Variants in KIRREL3 observed in about 807,000 individuals in gnomAD.
KIRREL3 encodes kirre like nephrin family adhesion molecule 3.
KIRREL3 carries 36 observed loss-of-function variants against 89.7 expected under a neutral mutation model. The ratio of observed to expected loss-of-function variants is 0.40; its 90% CI spans 0.31 to 0.53. The LOEUF (loss-of-function observed/expected upper bound fraction) is 0.53. Among genes scored for constraint, KIRREL3 ranks in the 20% least tolerant of loss-of-function variants. KIRREL3 has a pLI of 0.49. For synonymous variants in KIRREL3, 445 were observed against 441.4 expected, an observed-to-expected ratio of 1.01 and a Z score of -0.10; for missense variants, 864 against 1,056.6, an observed-to-expected ratio of 0.82 and a Z score of 2.53.
rs376450661 is a variant in KIRREL3 at position 126,707,523 on chromosome 11, T to A, written c.56-144611A>T. Among the ~76,000 whole-genome samples, 5 of 152,308 alleles carry A rather than the reference T, an allele frequency of 3.3e-5. 1 individual carries two copies. The highest frequency in any genetic ancestry group is 1.2e-4 in the African/African-American group (5 of 41,578). ...AGGTATATATTTGGGCCTATGTCTA[T>A]ACTCTATGTCAGTCCATTGTTCTCT... On this transcript the variant is annotated intron_variant, in intron 1 of 16. Transcript: ENST00000525144.
At chr11:126,714,773 G>A (rs369691525) in intron 1 of KIRREL3, among the ~76,000 whole-genome samples, 17 of 151,954 alleles carry the variant, frequency 1.1e-4, no homozygotes, top group Non-Finnish European at 2.4e-4. Flanking sequence ...TCCTGGGATC[G>A]CCCCCTGAAA....
intron 1 of KIRREL3, among the ~76,000 whole-genome samples, chr11:126,824,595 A>T (rs562066908): frequency 1.9e-4 from 29 of 152,362 alleles, no homozygotes; most frequent in African/African-American, 7.0e-4. Context: ...GGACGATGTT[A>T]GGAAAAGAGG....
In KIRREL3 at chr11:126,876,978, C is replaced by A. The variant is rs1945314879; in HGVS notation, c.55+123477G>T. ...ATAAAAAAAGAGTTATATTACTGGG[C>A]ACCCAGGAAAAGGAACAACAGATAA... On this transcript the variant is annotated intron_variant, in intron 1 of 16. Transcript: ENST00000525144. The surrounding 1 kb of genome is among the most constrained non-coding windows in gnomAD (Gnocchi z 4.1). Among the ~76,000 whole-genome samples the A allele has an allele frequency of 6.6e-6, 1 of 152,134 alleles. No individual in the cohort carries two copies. Among genetic ancestry groups the A allele is most frequent in the South Asian group, 2.1e-4 (1 of 4,828 alleles).
At position 126,771,152 on chromosome 11, in the gene KIRREL3, T is replaced by C. The variant is rs1336567831; in HGVS notation, c.56-208240A>G. Among the ~76,000 whole-genome samples, 1 of 152,190 alleles carries C rather than the reference T, an allele frequency of 6.6e-6. No homozygotes were observed. Among genetic ancestry groups the C allele is most frequent in the African/African-American group, 2.4e-5 (1 of 41,440 alleles). On this transcript the variant is annotated intron_variant, in intron 1 of 16. Coordinates refer to ENST00000525144, the MANE Select transcript of KIRREL3 (RefSeq NM_032531.4). The surrounding 1 kb of genome is among the most constrained non-coding windows in gnomAD (Gnocchi z 4.4). Reference sequence around the variant, plus strand: ...TCCTCTGGCCAGAACGATCATTTATTAAAGAGTGTTGTATACCAAGTCTTG... The same window carrying C: ...TCCTCTGGCCAGAACGATCATTTATCAAAGAGTGTTGTATACCAAGTCTTG...
intron 1 of KIRREL3, among the ~76,000 whole-genome samples, chr11:126,584,473 A>G (rs1388716960): frequency 6.6e-6 from 1 of 152,182 alleles, no homozygotes; most frequent in African/African-American, 2.4e-5. Flanking sequence ...CAAAGCCCCC[A>G]GTAGTCTGAA....
intron 1 of KIRREL3, among the ~76,000 whole-genome samples, chr11:126,613,183 C>A (rs892962614): frequency 2.0e-5 from 3 of 152,176 alleles, no homozygotes; most frequent in Non-Finnish European, 4.4e-5. Flanking sequence ...ACCATGGAAT[C>A]TCCAGATAAA....
In KIRREL3 at chr11:126,977,530, T is replaced by C. The variant is rs1027573950; in HGVS notation, c.55+22925A>G. 2.6e-5 allele frequency among the ~76,000 whole-genome samples: 4 copies of C among 152,254 alleles called. No individual in the cohort carries two copies. The highest frequency in any genetic ancestry group is 9.6e-5 in the African/African-American group (4 of 41,458). On this transcript the variant is annotated intron_variant, in intron 1 of 16. Coordinates refer to ENST00000525144, the MANE Select transcript of KIRREL3 (RefSeq NM_032531.4). This position sits in a 1 kb window ranked among gnomAD's most constrained non-coding sequence, Gnocchi z 4.7. ...CCACTTTCTTTCGAGATTCCCATTA[T>C]ATTAATTCAATCATTCCTGTATTCT... is the stretch of plus-strand genomic sequence containing the variant.
At chr11:126,745,656 TTCAGGTAGTA>T (rs1484129298) in intron 1 of KIRREL3, among the ~76,000 whole-genome samples, 1 of 152,204 alleles carries the variant, frequency 6.6e-6, no homozygotes, top group Non-Finnish European at 1.5e-5. Flanking sequence ...AAAAAAGGTA[TTCAGGTAGTA>T]TCAGGTGGTC....
rs1947623289 is a variant in KIRREL3 at position 126,924,658 on chromosome 11, G to A, written c.55+75797C>T. 6.6e-6 allele frequency among the ~76,000 whole-genome samples: 1 copy of A among 152,128 alleles called. No individual in the cohort carries two copies. Among genetic ancestry groups the A allele is most frequent in the Non-Finnish European group, 1.5e-5 (1 of 68,024 alleles). ...ATTTGGAAGAAGTGTTAAAGAAAAA[G>A]GAGCAGCTTTGCTCTATTAAAACCC... is the stretch of plus-strand genomic sequence containing the variant. On this transcript the variant is annotated intron_variant, in intron 1 of 16. Coordinates refer to ENST00000525144, the MANE Select transcript of KIRREL3 (RefSeq NM_032531.4). This position sits in a 1 kb window ranked among gnomAD's most constrained non-coding sequence, Gnocchi z 4.7.
chr11:126,936,820 C>G (rs1948210234), intron 1 of KIRREL3: 1 of 152,156 alleles, frequency 6.6e-6, no homozygotes, highest in African/African-American at 2.4e-5. Flanking sequence ...TGTTCTAAAA[C>G]TAGATTGTAG....
chr11:126,932,868 A>G (rs1449083563), intron 1 of KIRREL3, among the ~76,000 whole-genome samples: 1 of 152,262 alleles, frequency 6.6e-6, no homozygotes, highest in Non-Finnish European at 1.5e-5. Context: ...TTTATTAATA[A>G]TCAACATAAA....
rs754762157 is a variant in KIRREL3 at position 126,976,579 on chromosome 11, C to T, written c.55+23876G>A. On this transcript the variant is annotated intron_variant, in intron 1 of 16. Transcript: ENST00000525144. The surrounding 1 kb of genome is among the most constrained non-coding windows in gnomAD (Gnocchi z 4.2). ...ATGGTACCAGGATCATATTTTCAAACGGTTTCAGTGTTCTGGGAAGTTAAT... is the reference window on the plus strand; with the variant it reads ...ATGGTACCAGGATCATATTTTCAAATGGTTTCAGTGTTCTGGGAAGTTAAT... Among the ~76,000 whole-genome samples the T allele has an allele frequency of 1.4e-4, 21 of 152,054 alleles. No homozygotes were observed. The highest frequency in any genetic ancestry group is 1.9e-4 in the East Asian group (1 of 5,192).
At chr11:126,869,898 G>T (rs916615237) in intron 1 of KIRREL3, among the ~76,000 whole-genome samples, 1 of 152,214 alleles carries the variant, frequency 6.6e-6, no homozygotes, top group East Asian at 1.9e-4. Flanking sequence ...CCAAAGTGAT[G>T]AAATTCAGTT....
At chr11:126,461,222 G>C (rs1427923174) in intron 6 of KIRREL3, among the ~76,000 whole-genome samples, 1 of 152,244 alleles carries the variant, frequency 6.6e-6, no homozygotes, top group Non-Finnish European at 1.5e-5. Flanking sequence ...ATGGCTTTGC[G>C]GCATCTCACC....
At position 126,523,752 on chromosome 11, in the gene KIRREL3, C is replaced by T. The variant is rs934865046; in HGVS notation, c.284-2288G>A. ...TTCCTTGTAGCTGGCTGGCTACCCCCAGCCCCTCCAGCCCAGCCTCTGGAT... is the reference window on the plus strand; with the variant it reads ...TTCCTTGTAGCTGGCTGGCTACCCCTAGCCCCTCCAGCCCAGCCTCTGGAT... On this transcript the variant is annotated intron_variant, in intron 3 of 16. Transcript: ENST00000525144. This position sits in a 1 kb window ranked among gnomAD's most constrained non-coding sequence, Gnocchi z 4.9. Among the ~76,000 whole-genome samples the T allele has an allele frequency of 6.6e-6, 1 of 152,182 alleles. No individual in the cohort carries two copies. Among genetic ancestry groups the T allele is most frequent in the Non-Finnish European group, 1.5e-5 (1 of 68,028 alleles).
chr11:126,856,285 T>A (rs1435281023), intron 1 of KIRREL3, among the ~76,000 whole-genome samples: 4 of 152,054 alleles, frequency 2.6e-5, no homozygotes, highest in Non-Finnish European at 5.9e-5. Flanking sequence ...TCTGTCTACC[T>A]CTCAGCTTTG....
Position 126,900,580 on chromosome 11 carries a change from C to T in KIRREL3, c.55+99875G>A, listed in dbSNP as rs929291189. ...AAAAAAAATAGATTTAAGATAATGG[C>T]CCTATTCTCCTCAGAATAAATTAAG... On this transcript the variant is annotated intron_variant, in intron 1 of 16. Coordinates refer to ENST00000525144, the MANE Select transcript of KIRREL3 (RefSeq NM_032531.4). This position sits in a 1 kb window ranked among gnomAD's most constrained non-coding sequence, Gnocchi z 4.4. 6.6e-6 allele frequency among the ~76,000 whole-genome samples: 1 copy of T among 152,146 alleles called. No homozygotes were observed. The highest frequency in any genetic ancestry group is 2.4e-5 in the African/African-American group (1 of 41,426).
At position 126,921,677 on chromosome 11, in the gene KIRREL3, A is replaced by AATCT. The variant is rs1163747846; in HGVS notation, c.55+78774_55+78777dup. On this transcript the variant is annotated intron_variant, in intron 1 of 16. Coordinates refer to ENST00000525144, the MANE Select transcript of KIRREL3 (RefSeq NM_032531.4). ...TCCTATCTATCTATTATCTATCTGT[A>AATCT]ATCTATCTATCTGTCTGTCTTTCTT... Among the ~76,000 whole-genome samples the AATCT allele has an allele frequency of 1.4e-5, 2 of 142,736 alleles. 1 individual carries two copies. Among genetic ancestry groups the AATCT allele is most frequent in the Non-Finnish European group, 3.1e-5 (2 of 65,346 alleles). The allele number at this position is 142,736 out of a possible 152,430, so 93.6% of individuals were successfully genotyped here.
intron 1 of KIRREL3, among the ~76,000 whole-genome samples, chr11:126,827,011 C>G (rs1943438822): frequency 6.6e-6 from 1 of 152,132 alleles, no homozygotes; most frequent in Non-Finnish European, 1.5e-5. Context: ...AGAGGGCTTT[C>G]CTTGTTCTGC....
Sources: allele counts gnomAD v4.1 joint callset (sites outside exome capture counted in the v4.1 genomes callset), GRCh38; gene constraint gnomAD v4.1.1; non-coding constraint Gnocchi (gnomAD v3.1); transcripts MANE v1.5; gene names NCBI Gene and HGNC (gene_info 2026-07-23, HGNC 2026-07-21).